Variants in STK33 observed in about 807,000 individuals in gnomAD.
The protein encoded by STK33 is serine/threonine kinase 33, also known as serine/threonine-protein kinase 33.
A neutral mutation model predicts 58.0 loss-of-function variants in STK33; 52 were observed. The observed-to-expected ratio is 0.90, with a 90% CI of 0.72 to 1.13. STK33 has a LOEUF of 1.13. STK33 is among the 50% of genes most tolerant of loss of function. The pLI is 0.00. For synonymous variants in STK33, 215 were observed against 200.1 expected, an observed-to-expected ratio of 1.07 and a Z score of -0.63; for missense variants, 630 against 604.2, an observed-to-expected ratio of 1.04 and a Z score of -0.45.
At chr11:8,579,807 G>T (rs1958439227) in intron 1 of STK33, among the ~76,000 whole-genome samples, 2 of 152,056 alleles carry the variant, frequency 1.3e-5, no homozygotes, top group Admixed American at 6.5e-5. Flanking sequence ...ATGGGCAAAA[G>T]ATTTGAATAG....
At chr11:8,335,903 G>A in the STK33 span, among the ~76,000 whole-genome samples, 5 of 152,260 alleles carry the variant, frequency 3.3e-5, no homozygotes, top group East Asian at 5.8e-4. Flanking sequence ...GCTGCTCCAC[G>A]GCTACACGCG....
the STK33 span, among the ~76,000 whole-genome samples, chr11:8,355,698 A>C: frequency 6.6e-5 from 10 of 152,334 alleles, no homozygotes; most frequent in Middle Eastern, 3.4e-3. Flanking sequence ...CAGGCCACTA[A>C]GCTTTTCTGA....
chr11:8,489,977 T>C (rs1447527194), intron 1 of STK33, among the ~76,000 whole-genome samples: 6 of 152,172 alleles, frequency 3.9e-5, no homozygotes, highest in Non-Finnish European at 4.4e-5. Context: ...GGAACAGCTC[T>C]GGTCTACAGC....
chr11:8,379,907 G>T, the STK33 span, among the ~76,000 whole-genome samples: 25 of 152,226 alleles, frequency 1.6e-4, no homozygotes, highest in Admixed American at 8.5e-4. Context: ...GTGTTAGTTT[G>T]CCAAGGATAA....
chr11:8,540,897 CTT>C (rs1197062568), intron 1 of STK33, among the ~76,000 whole-genome samples: 1 of 151,684 alleles, frequency 6.6e-6, no homozygotes, highest in African/African-American at 2.4e-5. Flanking sequence ...TTTGGTTGCT[CTT>C]GTCATGAAAA....
chr11:8,357,108 A>G, the STK33 span, among the ~76,000 whole-genome samples: 63,037 of 152,200 alleles, frequency 0.41, 14,881 homozygotes, highest in East Asian at 0.55. Flanking sequence ...CAGGGCTGTC[A>G]TCAGACTCAT....
At chr11:8,556,210 C>T (rs1956736370) in intron 1 of STK33, among the ~76,000 whole-genome samples, 1 of 152,060 alleles carries the variant, frequency 6.6e-6, no homozygotes, top group Non-Finnish European at 1.5e-5. Context: ...TGGATTTTAT[C>T]GGGTAATTGG....
chr11:8,514,871 G>A (rs1293862833), intron 1 of STK33, among the ~76,000 whole-genome samples: 3 of 152,130 alleles, frequency 2.0e-5, no homozygotes, highest in African/African-American at 7.2e-5. Context: ...CTCACCAACT[G>A]AGGCTCCAAA....
chr11:8,559,521 T>C (rs1956983173), intron 1 of STK33, among the ~76,000 whole-genome samples: 2 of 152,240 alleles, frequency 1.3e-5, no homozygotes, highest in South Asian at 2.1e-4. Flanking sequence ...CTCAGTTTAG[T>C]ACGTCATGCA....
intron 15 of STK33, among the ~76,000 whole-genome samples, chr11:8,411,035 G>A (rs1220572118): frequency 6.6e-6 from 1 of 152,176 alleles, no homozygotes; most frequent in Non-Finnish European, 1.5e-5. Context: ...AGGACCTAAT[G>A]TTAAAAGGCA....
At chr11:8,499,985 G>C (rs1486310149) in intron 1 of STK33, among the ~76,000 whole-genome samples, 1 of 151,874 alleles carries the variant, frequency 6.6e-6, no homozygotes, top group African/African-American at 2.4e-5. Context: ...TGGGTTGATG[G>C]GTGCAGTAAA....
chr11:8,516,404 G>A (rs1256294619), intron 1 of STK33, among the ~76,000 whole-genome samples: 2 of 152,224 alleles, frequency 1.3e-5, no homozygotes, highest in African/African-American at 4.8e-5. Flanking sequence ...AATAGGCACA[G>A]CTCCAGTCTG....
chr11:8,351,343 G>A, the STK33 span, among the ~76,000 whole-genome samples: 5 of 152,234 alleles, frequency 3.3e-5, no homozygotes, highest in African/African-American at 1.2e-4. Flanking sequence ...CTGCGAGCTG[G>A]GTCCTGACCC....
At chr11:8,464,887 T>A in intron 6 of STK33, 65 bp from the exon 7 acceptor site, 1 of 1,027,816 alleles carries the variant, frequency 9.7e-7, no homozygotes, top group Non-Finnish European at 1.5e-6. Context: ...AATGAACATA[T>A]AATACTGACA....
In STK33 at chr11:8,499,952, G is replaced by T. The variant is rs552023823; in HGVS notation, c.-465-19338C>A. ...GGGGGCTAGGGGAGGGATAGCATTA[G>T]GAGAAATACCTAATGTAGATGATGG... is the stretch of plus-strand genomic sequence containing the variant. On this transcript the variant is annotated intron_variant, in intron 1 of 15. Coordinates refer to ENST00000687296, the MANE Select transcript of STK33 (RefSeq NM_001352389.2). Among the ~76,000 whole-genome samples the T allele has an allele frequency of 4.6e-5, 7 of 152,158 alleles. No homozygotes were observed. The East Asian group carries it at 1.4e-3, about 29-fold the overall frequency.
chr11:8,465,108 A>G (rs931832281), intron 6 of STK33: 5 of 208,222 alleles, frequency 2.4e-5, no homozygotes, highest in Admixed American at 1.1e-4. Flanking sequence ...CTTTCAAACT[A>G]TAATATATTA....
chr11:8,574,019 A>C (rs1317533838), intron 1 of STK33, among the ~76,000 whole-genome samples: 2 of 152,212 alleles, frequency 1.3e-5, no homozygotes, highest in African/African-American at 4.8e-5. Context: ...TCGTGGTTAC[A>C]CAAGACCTGC....
chr11:8,535,977 C>T (rs1450010285), intron 1 of STK33, among the ~76,000 whole-genome samples: 1 of 152,086 alleles, frequency 6.6e-6, no homozygotes, highest in Non-Finnish European at 1.5e-5. Context: ...AAGTCATTAT[C>T]TTAAGTGAAA....
At chr11:8,399,116 C>T (rs912598444) in intron 15 of STK33, among the ~76,000 whole-genome samples, 5 of 152,152 alleles carry the variant, frequency 3.3e-5, no homozygotes, top group African/African-American at 4.8e-5. Flanking sequence ...ACCAAGTGGA[C>T]CTAATAGACT....
Sources: allele counts gnomAD v4.1 joint callset (sites outside exome capture counted in the v4.1 genomes callset), GRCh38; gene constraint gnomAD v4.1.1; transcripts MANE v1.5; gene names NCBI Gene and HGNC (gene_info 2026-07-23, HGNC 2026-07-21).